The following PCDHGA3 variants were observed in gnomAD, a reference collection of about 807,000 sequenced individuals.
PCDHGA3 encodes the protein protocadherin gamma-A3.
In PCDHGA3, 40 loss-of-function variants were observed where a neutral mutation model predicts 58.5. The observed-to-expected ratio is 0.68, with a 90% CI of 0.53 to 0.89. The LOEUF (loss-of-function observed/expected upper bound fraction) is 0.89. Among genes scored for constraint, PCDHGA3 ranks in the 40% least tolerant of loss-of-function variants. The probability of loss-of-function intolerance (pLI) is 0.00; values close to 1 mark genes in which losing one functional copy is unlikely to be tolerated. For missense variants in PCDHGA3, 1,223 were observed against 1,195.9 expected (o/e 1.02, Z -0.33); for synonymous variants, 530 against 525.7 (o/e 1.01, Z -0.11).
chr5:141,369,714 T>G (rs565396016), intron 1 of PCDHGA3, among the ~76,000 whole-genome samples: 2 of 152,150 alleles, frequency 1.3e-5, no homozygotes, highest in Non-Finnish European at 2.9e-5. Flanking sequence ...CATTATAACT[T>G]TTAGAAGTTA....
intron 1 of PCDHGA3, chr5:141,413,265 T>A (rs1301684620): frequency 6.2e-7 from 1 of 1,613,840 alleles, no homozygotes; most frequent in African/African-American, 1.3e-5. Context: ...CATGGGAGGC[T>A]GGAGCCCGGC....
chr5:141,399,859 G>A (rs2093908235), intron 1 of PCDHGA3: 1 of 1,612,726 alleles, frequency 6.2e-7, no homozygotes, highest in Admixed American at 1.7e-5. Flanking sequence ...GCCGCGCGCT[G>A]CAGAGCCCGG....
intron 1 of PCDHGA3, chr5:141,352,633 T>C (rs1464392466): frequency 6.2e-7 from 1 of 1,610,604 alleles, no homozygotes; most frequent in Admixed American, 1.7e-5. Context: ...GTAATGAAGA[T>C]CACAAAATCG....
intron 1 of PCDHGA3, chr5:141,426,302 A>G (rs1590676929): frequency 1.2e-5 from 2 of 172,322 alleles, no homozygotes; most frequent in East Asian, 1.4e-4. Context: ...AACAGGGTGA[A>G]GCAGAGAAGC....
At chr5:141,418,441 A>T in intron 1 of PCDHGA3, 2 of 1,614,000 alleles carry the variant, frequency 1.2e-6, no homozygotes, top group East Asian at 4.5e-5. Flanking sequence ...ATCCAGAATT[A>T]GTATTGCAGA....
intron 1 of PCDHGA3, among the ~76,000 whole-genome samples, chr5:141,464,625 T>C (rs1477206347): frequency 6.6e-6 from 1 of 152,190 alleles, no homozygotes; most frequent in East Asian, 1.9e-4. Context: ...TGTCAAGCTT[T>C]TTAATTGTTG....
intron 1 of PCDHGA3, among the ~76,000 whole-genome samples, chr5:141,368,280 A>G (rs778182605): frequency 2.6e-5 from 4 of 152,160 alleles, no homozygotes; most frequent in African/African-American, 7.2e-5. Context: ...ACCTAAGACC[A>G]CTTGATTTTT....
At chr5:141,370,250 T>C in intron 1 of PCDHGA3, 1 of 693,716 alleles carries the variant, frequency 1.4e-6, no homozygotes. Context: ...GTGCACTCTC[T>C]ATCAGGCTTC....
intron 1 of PCDHGA3, chr5:141,422,528 C>T: frequency 5.0e-6 from 8 of 1,614,018 alleles, no homozygotes; most frequent in Non-Finnish European, 5.1e-6. Flanking sequence ...CCGCCTTTGT[C>T]TGCAGAAACT....
chr5:141,398,675 A>G (rs1462726875), intron 1 of PCDHGA3: 10 of 1,613,974 alleles, frequency 6.2e-6, no homozygotes, highest in East Asian at 2.2e-5. Context: ...TTAATAATTA[A>G]GGAGAAACAG....
chr5:141,433,587 G>A (rs1228017153), intron 1 of PCDHGA3, among the ~76,000 whole-genome samples: 1 of 152,068 alleles, frequency 6.6e-6, no homozygotes, highest in African/African-American at 2.4e-5. Flanking sequence ...TGTAATCCCA[G>A]TACTTTGGGA....
At chr5:141,435,430 T>C (rs576681937) in intron 1 of PCDHGA3, among the ~76,000 whole-genome samples, 115 of 152,334 alleles carry the variant, frequency 7.5e-4, no homozygotes, top group African/African-American at 2.6e-3. Flanking sequence ...ACTTCTGTTA[T>C]GCATTTCATT....
At chr5:141,375,966 C>A (rs373365863) in intron 1 of PCDHGA3, 4 of 1,613,374 alleles carry the variant, frequency 2.5e-6, no homozygotes, top group Non-Finnish European at 2.5e-6. Context: ...GAGGTGCGCA[C>A]GGCGCGCGCC....
chr5:141,383,687 C>G, intron 1 of PCDHGA3: 3 of 1,613,968 alleles, frequency 1.9e-6, no homozygotes, highest in Non-Finnish European at 2.5e-6. Flanking sequence ...AGACTGCTCA[C>G]GGTACATGCT....
intron 1 of PCDHGA3, chr5:141,398,702 C>G: frequency 6.2e-7 from 1 of 1,613,832 alleles, no homozygotes; most frequent in Non-Finnish European, 8.5e-7. Flanking sequence ...AGTAAATACC[C>G]GGAACTGGCA....
rs774774450 is a variant in PCDHGA3, at chr5:141,398,863, G to A, written c.2424+52406G>A. The A allele has an allele frequency of 2.5e-6, 4 of 1,613,868 alleles. No homozygotes were observed. The highest frequency in any genetic ancestry group is 2.7e-5 in the African/African-American group (2 of 74,928). ...TAATCCCCCGGTATTCAACCGAGACGTGTACAGAGTCAGCCTTCGGGAAAA... is the reference window on the plus strand; with the variant it reads ...TAATCCCCCGGTATTCAACCGAGACATGTACAGAGTCAGCCTTCGGGAAAA... On this transcript the variant is annotated intron_variant, in intron 1 of 3. Transcript: ENST00000253812.
intron 1 of PCDHGA3, chr5:141,383,918 T>A (rs1779590334): frequency 3.7e-6 from 6 of 1,613,948 alleles, no homozygotes; most frequent in Non-Finnish European, 5.1e-6. Flanking sequence ...GTTTTAGATG[T>A]AAATGATAAT....
Position 141,490,924 on chromosome 5 carries a change from C to G in PCDHGA3, c.2425-3883C>G, listed in dbSNP as rs1469202824. The G allele has an allele frequency of 1.9e-6, 3 of 1,613,562 alleles. No individual in the cohort carries two copies. The highest frequency in any genetic ancestry group is 2.5e-6 in the Non-Finnish European group (3 of 1,179,702). ...TGTCCTAGACGAGAATGATAATGCC[C>G]CAGCTGTGCTGCACCCACGGCCAGA... On this transcript the variant is annotated intron_variant, in intron 1 of 3. Transcript: ENST00000253812. The surrounding 1 kb of genome is among the most constrained non-coding windows in gnomAD (Gnocchi z 5.4).
intron 1 of PCDHGA3, among the ~76,000 whole-genome samples, chr5:141,380,760 A>C (rs1264111789): frequency 6.6e-6 from 1 of 152,232 alleles, no homozygotes; most frequent in Non-Finnish European, 1.5e-5. Context: ...AGACACTATA[A>C]ATTAATTGAG....
Sources: gnomAD v4.1 joint callset for allele counts (sites outside exome capture counted in the v4.1 genomes callset) on GRCh38, gnomAD v4.1.1 for gene constraint, Gnocchi (gnomAD v3.1) non-coding constraint, MANE v1.5 for transcripts, NCBI Gene and HGNC (gene_info 2026-07-23, HGNC 2026-07-21) for gene names.